TBC1D22A: variants seen among roughly 807,000 people sequenced by gnomAD.
TBC1D22A encodes the protein TBC1 domain family member 22A.
In TBC1D22A, 38 loss-of-function variants were observed where a neutral mutation model predicts 60.2. The ratio of observed to expected loss-of-function variants is 0.63; its 90% CI spans 0.49 to 0.83. The LOEUF (loss-of-function observed/expected upper bound fraction) is 0.83, where lower values mean the gene tolerates loss of function less well. TBC1D22A is among the 40% of genes least tolerant of loss of function. TBC1D22A has a pLI of 0.00. For missense variants in TBC1D22A, 628 were observed against 701.0 expected (o/e 0.90, Z 1.18); for synonymous variants, 302 against 281.7 (o/e 1.07, Z -0.72).
intron 7 of TBC1D22A, among the ~76,000 whole-genome samples, chr22:46,903,632 A>G (rs1050300281): frequency 7.9e-5 from 12 of 152,050 alleles, no homozygotes; most frequent in Non-Finnish European, 1.3e-4. Flanking sequence ...GGCCCCCTCA[A>G]TGTTTTGCAG....
In TBC1D22A at chr22:46,793,608, A is replaced by T. The variant is rs151001225; in HGVS notation, c.227A>T (p.Glu76Val). 7 of 1,613,844 alleles carry T rather than the reference A, an allele frequency of 4.3e-6. 1 individual carries two copies. The highest frequency in any genetic ancestry group is 5.9e-6 in the Non-Finnish European group (7 of 1,180,058). ...ACCAGCGATGCCTGGGACGCTGGGG[A>T]GGACGACGATGAGCTCCTGGCCATG... is the stretch of plus-strand genomic sequence containing the variant. The part of the protein sequence containing the change: ...SNTSDAWDAG[E>V]DDDELLAMAA... The change falls in exon 3 of 13, where the codon GAG becomes GTG. Residue 76 changes from glutamate (E) to valine (V), a missense_variant. Transcript: ENST00000337137.
chr22:46,941,719 C>CGCGGAATGTATATACGGAATATATATAT (rs2072134638), intron 8 of TBC1D22A, among the ~76,000 whole-genome samples: 1 of 80,404 alleles, frequency 1.2e-5, no homozygotes, highest in Non-Finnish European at 3.0e-5. Context: ...AATATATATA[C>CGCGGAATGTATATACGGAATATATATAT]GCGGAATGTA....
chr22:47,037,263 TCTGC>T, intron 11 of TBC1D22A, 65 bp downstream of exon 11: 1 of 1,598,196 alleles, frequency 6.3e-7, no homozygotes, highest in Non-Finnish European at 8.5e-7. Flanking sequence ...CCTGTCGCCT[TCTGC>T]CCTGGGCCTG....
At chr22:46,986,930 C>G (rs561998347) in intron 9 of TBC1D22A, among the ~76,000 whole-genome samples, 1 of 152,140 alleles carries the variant, frequency 6.6e-6, no homozygotes, top group Non-Finnish European at 1.5e-5. Context: ...TCTAGACTCC[C>G]GTTCATTTAA....
intron 4 of TBC1D22A, among the ~76,000 whole-genome samples, chr22:46,865,003 T>G (rs1334981955): frequency 3.9e-5 from 6 of 152,206 alleles, no homozygotes; most frequent in African/African-American, 1.4e-4. Context: ...CACCCAGCAA[T>G]ACCTGTGGCA....
chr22:46,953,966 A>T (rs1171785163), intron 8 of TBC1D22A, among the ~76,000 whole-genome samples: 1 of 152,346 alleles, frequency 6.6e-6, no homozygotes, highest in East Asian at 1.9e-4. Flanking sequence ...AAGGCCACTT[A>T]ACTAGGAGGT....
At chr22:46,803,238 G>C (rs569178248) in intron 4 of TBC1D22A, among the ~76,000 whole-genome samples, 1 of 152,064 alleles carries the variant, frequency 6.6e-6, no homozygotes, top group East Asian at 1.9e-4. Context: ...TGAAGAGCTC[G>C]AGACAAGGTT....
intron 12 of TBC1D22A, among the ~76,000 whole-genome samples, chr22:47,163,090 C>T (rs879656057): frequency 2.6e-5 from 4 of 152,224 alleles, no homozygotes; most frequent in South Asian, 2.1e-4. Context: ...ACCAGGCAGG[C>T]GTGCCAGTGG....
chr22:46,767,335 G>C (rs753866332), intron 1 of TBC1D22A, among the ~76,000 whole-genome samples: 1 of 152,196 alleles, frequency 6.6e-6, no homozygotes, highest in Non-Finnish European at 1.5e-5. Context: ...GTTGAGTTTG[G>C]TTTAAGTAGC....
intron 10 of TBC1D22A, among the ~76,000 whole-genome samples, chr22:47,002,792 G>A (rs1030918617): frequency 1.3e-5 from 2 of 152,156 alleles, no homozygotes; most frequent in Non-Finnish European, 2.9e-5. Context: ...CCACCCTCAC[G>A]TTGTTCTGAG....
chr22:47,087,942 G>A (rs1303732218), intron 11 of TBC1D22A, among the ~76,000 whole-genome samples: 2 of 151,948 alleles, frequency 1.3e-5, no homozygotes, highest in South Asian at 2.1e-4. Flanking sequence ...GCGTGGTGGC[G>A]GGCGCCTGTA....
At chr22:47,130,703 C>G (rs2066650076) in intron 12 of TBC1D22A, among the ~76,000 whole-genome samples, 2 of 152,136 alleles carry the variant, frequency 1.3e-5, no homozygotes, top group Non-Finnish European at 2.9e-5. Context: ...TCTGTGGGAC[C>G]CTGCGGTCTG....
At chr22:46,766,815 C>T (rs1233765962) in intron 1 of TBC1D22A, among the ~76,000 whole-genome samples, 1 of 152,192 alleles carries the variant, frequency 6.6e-6, no homozygotes, top group African/African-American at 2.4e-5. Flanking sequence ...AGATTCCAGG[C>T]ATGAGCCACC....
At chr22:46,891,014 C>G (rs2068370683) in intron 5 of TBC1D22A, among the ~76,000 whole-genome samples, 1 of 152,152 alleles carries the variant, frequency 6.6e-6, no homozygotes, top group Non-Finnish European at 1.5e-5. Context: ...TGGGGAGGGC[C>G]TGCACCGGGA....
At chr22:47,071,153 C>G (rs1214790856) in intron 11 of TBC1D22A, among the ~76,000 whole-genome samples, 2 of 152,230 alleles carry the variant, frequency 1.3e-5, no homozygotes. Context: ...AACCAACCTC[C>G]CATACCTTTG....
At chr22:47,125,002 G>A (rs1429011561) in intron 12 of TBC1D22A, among the ~76,000 whole-genome samples, 1 of 152,118 alleles carries the variant, frequency 6.6e-6, no homozygotes, top group African/African-American at 2.4e-5. Flanking sequence ...GGAGGGGCAG[G>A]GGCTTGCAGA....
chr22:47,171,972 C>G (rs1428101616), intron 12 of TBC1D22A, among the ~76,000 whole-genome samples: 1 of 152,122 alleles, frequency 6.6e-6, no homozygotes, highest in Non-Finnish European at 1.5e-5. Context: ...TCCCAGTAAG[C>G]CCAACGCACC....
At chr22:47,091,996 T>C (rs2064996720) in intron 11 of TBC1D22A, among the ~76,000 whole-genome samples, 1 of 152,204 alleles carries the variant, frequency 6.6e-6, no homozygotes, top group Non-Finnish European at 1.5e-5. Flanking sequence ...CTGGACATCA[T>C]GATTGCCGTC....
At chr22:46,833,833 T>TA (rs1292805261) in intron 4 of TBC1D22A, among the ~76,000 whole-genome samples, 1 of 152,214 alleles carries the variant, frequency 6.6e-6, no homozygotes, top group Non-Finnish European at 1.5e-5. Context: ...AGCCTACTGA[T>TA]ACCTGAGTGC....
Sources: allele counts gnomAD v4.1 joint callset (sites outside exome capture counted in the v4.1 genomes callset), GRCh38; gene constraint gnomAD v4.1.1; transcripts MANE v1.5; gene names NCBI Gene and HGNC (gene_info 2026-07-23, HGNC 2026-07-21).